The following MYO18B variants were observed in gnomAD, a reference collection of about 807,000 sequenced individuals.
The protein encoded by MYO18B is unconventional myosin-XVIIIb.
Under a neutral mutation model 273.0 loss-of-function variants are expected in MYO18B, and 204 were observed. That is an observed-to-expected ratio of 0.75 (90% CI 0.67 to 0.84). The LOEUF (loss-of-function observed/expected upper bound fraction) is 0.84. Among genes scored for constraint, MYO18B ranks in the 40% least tolerant of loss-of-function variants. The probability of loss-of-function intolerance (pLI) is 0.00; values close to 1 mark genes in which losing one functional copy is unlikely to be tolerated. For synonymous variants in MYO18B, 1,330 were observed against 1,305.7 expected (o/e 1.02, Z -0.40); for missense variants, 3,212 against 3,287.6 (o/e 0.98, Z 0.56).
At chr22:26,051,216 C>CTTT in the MYO18B span, among the ~76,000 whole-genome samples, 971 of 92,624 alleles carry the variant, frequency 0.01, 8 homozygotes, top group African/African-American at 0.023. Context: ...TAATTGGTCC[C>CTTT]TTTTTTTTTT....
chr22:25,939,975 G>T, intron 34 of MYO18B, among the ~76,000 whole-genome samples: 1 of 152,188 alleles, frequency 6.6e-6, no homozygotes, highest in East Asian at 1.9e-4. Context: ...TACATGAAAA[G>T]TGTTCAGAGC....
chr22:25,753,654 TG>T (rs762150361), intron 1 of MYO18B, among the ~76,000 whole-genome samples: 21 of 152,164 alleles, frequency 1.4e-4, no homozygotes, highest in Non-Finnish European at 2.9e-4. Flanking sequence ...GCTTCACTCC[TG>T]CAGCAGGCGA....
chr22:25,763,190 T>C (rs1388323423), intron 2 of MYO18B, 41 bp from the exon 3 acceptor site: 2 of 1,610,184 alleles, frequency 1.2e-6, no homozygotes, highest in African/African-American at 2.7e-5. Flanking sequence ...TCCTGCTGGT[T>C]GACTCACTGA....
intron 7 of MYO18B, among the ~76,000 whole-genome samples, chr22:25,775,315 A>G (rs9624895): frequency 1.3e-5 from 2 of 152,032 alleles, no homozygotes; most frequent in South Asian, 4.1e-4. Flanking sequence ...GGAAGAGCCA[A>G]CAGTGGATTG....
At chr22:26,022,595 C>G (rs1254796625) in intron 42 of MYO18B, among the ~76,000 whole-genome samples, 1 of 152,162 alleles carries the variant, frequency 6.6e-6, no homozygotes, top group Admixed American at 6.5e-5. Flanking sequence ...CCCTCTCTTC[C>G]TTGTCTCTCC....
At chr22:25,881,303 C>T (rs1326833516) in intron 25 of MYO18B, among the ~76,000 whole-genome samples, 4 of 152,222 alleles carry the variant, frequency 2.6e-5, no homozygotes, top group Admixed American at 6.5e-5. Flanking sequence ...CACATCCACA[C>T]AAGAGTTAAG....
chr22:26,026,256 A>G (rs993486509), intron 42 of MYO18B, among the ~76,000 whole-genome samples, 189 bp from the exon 43 acceptor site: 1 of 152,250 alleles, frequency 6.6e-6, no homozygotes, highest in African/African-American at 2.4e-5. Flanking sequence ...GCATTCGGAA[A>G]GCAACAAGAA....
chr22:25,835,319 T>C lies in MYO18B; in HGVS notation c.3084T>C (p.Gly1028=). The C allele has an allele frequency of 1.2e-6, 2 of 1,613,664 alleles. No individual in the cohort carries two copies. The highest frequency in any genetic ancestry group is 1.7e-6 in the Non-Finnish European group (2 of 1,179,800). The change falls in exon 17 of 44, where the codon GGT becomes GGC. Residue 1028 remains glycine, a synonymous_variant. Coordinates refer to ENST00000335473, the MANE Select transcript of MYO18B (RefSeq NM_032608.7). ...PSQVRLPAGG[G]AQDARGLFWV... ...AGGTCCGCTTACCAGCTGGAGGAGG[T>C]GCCCAGGATGCCAGAGGCCTTTTCT...
intron 34 of MYO18B, among the ~76,000 whole-genome samples, chr22:25,930,578 G>A (rs893612674): frequency 2.0e-5 from 3 of 150,650 alleles, no homozygotes; most frequent in Non-Finnish European, 2.9e-5. Flanking sequence ...TGGTGCAATC[G>A]CGGTTTACTA....
chr22:25,958,689 A>C (rs4820663), intron 39 of MYO18B, among the ~76,000 whole-genome samples: 24,667 of 152,044 alleles, frequency 0.16, 2,654 homozygotes, highest in African/African-American at 0.27. Context: ...GGGAGAGTTA[A>C]GTCCTCACTG....
intron 42 of MYO18B, among the ~76,000 whole-genome samples, chr22:26,020,499 C>T (rs1935718384): frequency 6.6e-6 from 1 of 152,270 alleles, no homozygotes; most frequent in South Asian, 2.1e-4. Context: ...GGGGACTTCT[C>T]TAGCACTGAT....
chr22:25,875,121 CCGTG>C (rs745785147), intron 23 of MYO18B, among the ~76,000 whole-genome samples: 3 of 152,138 alleles, frequency 2.0e-5, no homozygotes, highest in Non-Finnish European at 4.4e-5. Context: ...AATGATGAGA[CCGTG>C]AATAATGAAC....
chr22:25,970,544 G>GCCGC (rs901445855), intron 39 of MYO18B, among the ~76,000 whole-genome samples: 4 of 152,192 alleles, frequency 2.6e-5, no homozygotes, highest in South Asian at 2.1e-4. Context: ...TGTCACCTCT[G>GCCGC]CCGCCCGCCC....
Position 26,026,893 on chromosome 22 carries a change from G to A in MYO18B, c.6919G>A (p.Ala2307Thr). 6.2e-7 allele frequency: 1 copy of A among 1,605,210 alleles called. No individual in the cohort carries two copies. Among genetic ancestry groups the A allele is most frequent in the South Asian group, 1.1e-5 (1 of 89,880 alleles). Residue 2307 changes from alanine (A) to threonine (T), a missense_variant, in exon 43 of 44, where the codon GCA (alanine) becomes ACA (threonine). Ala to Thr is a moderately conservative substitution (Grantham distance 58). Transcript: ENST00000335473. ...GGGAAACCTCTCGCTGAGGGTTGGG[G>A]CAAAGTCACCCCTGGAAATCGAAGG... ...DEGNLSLRVGAKSPLEIEGAA... is the reference protein window; with the variant it reads ...DEGNLSLRVGTKSPLEIEGAA...
chr22:25,880,130 C>T (rs371101744), intron 25 of MYO18B, among the ~76,000 whole-genome samples: 4 of 152,124 alleles, frequency 2.6e-5, no homozygotes, highest in South Asian at 2.1e-4. Flanking sequence ...TCGACGAAAA[C>T]CTGCTGTTCT....
intron 2 of MYO18B, among the ~76,000 whole-genome samples, chr22:25,761,575 C>A (rs780301125): frequency 2.0e-5 from 3 of 152,186 alleles, no homozygotes; most frequent in African/African-American, 7.2e-5. Context: ...GAACCGGAAA[C>A]GGGCTCTCCT....
intron 4 of MYO18B, 106 bp downstream of exon 4, chr22:25,769,534 G>C (rs2086639953): frequency 9.2e-7 from 1 of 1,084,160 alleles, no homozygotes; most frequent in African/African-American, 1.6e-5. Context: ...TGGACGGGGG[G>C]TGGGCAGGGA....
chr22:25,760,712 G>A (rs1306772520), intron 1 of MYO18B, among the ~76,000 whole-genome samples: 1 of 152,184 alleles, frequency 6.6e-6, no homozygotes, highest in East Asian at 1.9e-4. Flanking sequence ...CTTTCTGTAA[G>A]AGCCACTGAG....
rs375798351 is a variant in MYO18B at position 25,769,374 on chromosome 22, C to T, written c.1458C>T (p.Asp486=). ...CTCGGATACGGAAGGAGAACCAAGA[C>T]GGGCCAGCCCCGCAGGAGGAGGGCA... ...ERPRIRKENQ[D]GPAPQEEGKG... Residue 486 remains aspartate, a synonymous_variant, in exon 4 of 44, where the codon GAC becomes GAT. Coordinates refer to ENST00000335473, the MANE Select transcript of MYO18B (RefSeq NM_032608.7). 502 of 1,573,390 alleles carry T rather than the reference C, an allele frequency of 3.2e-4. No homozygotes were observed. The highest frequency in any genetic ancestry group is 4.0e-4 in the Non-Finnish European group (466 of 1,160,122).
Sources: gnomAD v4.1 joint callset for allele counts (sites outside exome capture counted in the v4.1 genomes callset) on GRCh38, gnomAD v4.1.1 for gene constraint, MANE v1.5 for transcripts, NCBI Gene and HGNC (gene_info 2026-07-23, HGNC 2026-07-21) for gene names.